Variants in ARMC9 observed in about 807,000 individuals in gnomAD.
ARMC9 encodes lisH domain-containing protein ARMC9.
In ARMC9, 94 loss-of-function variants were observed where a neutral mutation model predicts 107.0. The ratio of observed to expected loss-of-function variants is 0.88; its 90% CI spans 0.74 to 1.04. ARMC9 has a LOEUF of 1.04. ARMC9 is among the 50% of genes least tolerant of loss of function. The probability of loss-of-function intolerance (pLI) is 0.00; values close to 1 mark genes in which losing one functional copy is unlikely to be tolerated. For missense variants in ARMC9, 942 were observed against 1,030.1 expected (o/e 0.91, Z 1.17); for synonymous variants, 380 against 396.9 (o/e 0.96, Z 0.51).
intron 9 of ARMC9, among the ~76,000 whole-genome samples, chr2:231,248,430 C>G (rs141001696): frequency 6.6e-6 from 1 of 152,152 alleles, no homozygotes; most frequent in African/African-American, 2.4e-5. Context: ...GGCATCCGAT[C>G]ATATTACTAT....
intron 8 of ARMC9, among the ~76,000 whole-genome samples, chr2:231,237,777 ATATATTTTTTTTTTTTTTTTT>A (rs1301500170): frequency 1.1e-4 from 4 of 35,472 alleles, no homozygotes; most frequent in African/African-American, 3.6e-4. Context: ...ATATATATAT[ATATATTTTTTTTTTTTTTTTT>A]TTTTTTTTTT....
At chr2:231,259,848 T>C (rs781661986) in intron 11 of ARMC9, among the ~76,000 whole-genome samples, 1 of 151,856 alleles carries the variant, frequency 6.6e-6, no homozygotes, top group African/African-American at 2.4e-5. Context: ...CAAAAAAAAT[T>C]AGCCAGGCAT....
chr2:231,375,932 T>C lies in ARMC9; in HGVS notation c.*4397T>C, dbSNP rs565170665. ...GAAGCCATGACAGAAGAACGTGGAT[T>C]GTGATGATTTCATGGACATTTATTA... On this transcript the variant is annotated 3_prime_UTR_variant, in exon 25 of 25. Coordinates refer to ENST00000611582, the MANE Select transcript of ARMC9 (RefSeq NM_001352754.2). This position sits in a 1 kb window ranked among gnomAD's most constrained non-coding sequence, Gnocchi z 4.3. Among the ~76,000 whole-genome samples, 1 of 152,204 alleles carries C rather than the reference T, an allele frequency of 6.6e-6. No homozygotes were observed. Among genetic ancestry groups the C allele is most frequent in the Non-Finnish European group, 1.5e-5 (1 of 68,034 alleles).
intron 11 of ARMC9, among the ~76,000 whole-genome samples, chr2:231,261,612 C>T (rs983715053): frequency 5.9e-5 from 9 of 152,206 alleles, no homozygotes. Context: ...TCCCTATCCC[C>T]CACTGTGCTC....
chr2:231,375,006 A>G lies in ARMC9; in HGVS notation c.*3471A>G, dbSNP rs1449682230. Among the ~76,000 whole-genome samples, 1 of 152,190 alleles carries G rather than the reference A, an allele frequency of 6.6e-6. No homozygotes were observed. Among genetic ancestry groups the G allele is most frequent in the Non-Finnish European group, 1.5e-5 (1 of 68,034 alleles). On this transcript the variant is annotated 3_prime_UTR_variant, in exon 25 of 25. Transcript: ENST00000611582. This position sits in a 1 kb window ranked among gnomAD's most constrained non-coding sequence, Gnocchi z 4.3. ...GCCTAGCTTTATCTCTCCAGATACT[A>G]TTTGGGGTGTGCTGTTCTAAGAAGT...
At chr2:231,331,408 T>C (rs2043723958) in intron 19 of ARMC9, among the ~76,000 whole-genome samples, 1 of 152,082 alleles carries the variant, frequency 6.6e-6, no homozygotes, top group Non-Finnish European at 1.5e-5. Context: ...AGACCTGTTC[T>C]AGAGTTCCCT....
rs1411629994 is a variant in ARMC9, at chr2:231,217,793, C to T, written c.504+1000C>T. Among the ~76,000 whole-genome samples, 9 of 152,134 alleles carry T rather than the reference C, an allele frequency of 5.9e-5. 1 individual carries two copies. In the South Asian group the frequency reaches 8.3e-4, roughly 14 times the overall value. On this transcript the variant is annotated intron_variant, in intron 5 of 24. Transcript: ENST00000611582. ...GCAACCTCTGCCTCCTGGGTTGAAGCGATTCTCTTGCCTCAGCCTCCTGAG... is the reference window on the plus strand; with the variant it reads ...GCAACCTCTGCCTCCTGGGTTGAAGTGATTCTCTTGCCTCAGCCTCCTGAG...
intron 20 of ARMC9, among the ~76,000 whole-genome samples, chr2:231,338,535 CTTTTTTTTTTTTT>C (rs764466867): frequency 7.6e-5 from 8 of 104,802 alleles, no homozygotes; most frequent in African/African-American, 3.0e-4. Flanking sequence ...CCCCAATTCA[CTTTTTTTTTTTTT>C]TTTTTTTTTG....
chr2:231,216,860 T>C (rs1363763960), intron 5 of ARMC9, 67 bp downstream of exon 5: 1 of 1,507,712 alleles, frequency 6.6e-7, no homozygotes, highest in African/African-American at 1.4e-5. Context: ...TTCTGTATGC[T>C]GGGGGCTTCT....
intron 23 of ARMC9, among the ~76,000 whole-genome samples, chr2:231,368,013 C>A (rs2045882964): frequency 6.6e-6 from 1 of 151,066 alleles, no homozygotes; most frequent in Non-Finnish European, 1.5e-5. Context: ...AATAAGTTAA[C>A]TATTATAATA....
intron 3 of ARMC9, 89 bp from the exon 4 acceptor site, chr2:231,214,742 T>C: frequency 7.5e-7 from 1 of 1,330,360 alleles, no homozygotes; most frequent in Non-Finnish European, 1.1e-6. Flanking sequence ...AAAAGGAGTA[T>C]ATGGGAGATC....
At chr2:231,293,026 G>A (rs569170986) in intron 18 of ARMC9, among the ~76,000 whole-genome samples, 2 of 152,176 alleles carry the variant, frequency 1.3e-5, no homozygotes, top group South Asian at 2.1e-4. Flanking sequence ...AGAAACGAGG[G>A]TGTCCAAGGG....
At chr2:231,292,717 T>C (rs1349005529) in intron 18 of ARMC9, among the ~76,000 whole-genome samples, 1 of 152,220 alleles carries the variant, frequency 6.6e-6, no homozygotes, top group East Asian at 1.9e-4. Flanking sequence ...TGCCCTTCCC[T>C]GACACCCAGC....
In ARMC9 at chr2:231,240,029, G is replaced by A. The variant is rs768528669; in HGVS notation, c.867G>A (p.Thr289=). 3.0e-5 allele frequency: 49 copies of A among 1,613,248 alleles called. No individual in the cohort carries two copies. In the Admixed American group the frequency reaches 3.7e-4, roughly 12 times the overall value. The change falls in exon 9 of 25, where the codon ACG becomes ACA. Residue 289 remains threonine (T), a synonymous_variant. Transcript: ENST00000611582. ...GCCTGGCGCATAGTGTGGACTTCAC[G>A]AGGCCTGGGACGGTGAGGCTCTGCG... is the stretch of plus-strand genomic sequence containing the variant. The part of the protein sequence containing the change: ...RQSLAHSVDF[T]RPGTASTMLR...
At chr2:231,281,819 G>A (rs1159778841) in intron 16 of ARMC9, among the ~76,000 whole-genome samples, 2 of 152,202 alleles carry the variant, frequency 1.3e-5, no homozygotes, top group African/African-American at 2.4e-5. Context: ...GAAATGCGCA[G>A]GAGTAAGCTT....
At chr2:231,354,939 C>G (rs935528118) in intron 21 of ARMC9, among the ~76,000 whole-genome samples, 1 of 152,232 alleles carries the variant, frequency 6.6e-6, no homozygotes, top group African/African-American at 2.4e-5. Flanking sequence ...CAATGAAGCT[C>G]TCAGCACTTG....
At chr2:231,348,718 G>T (rs1219584839) in intron 21 of ARMC9, among the ~76,000 whole-genome samples, 1 of 152,152 alleles carries the variant, frequency 6.6e-6, no homozygotes, top group Non-Finnish European at 1.5e-5. Flanking sequence ...TTAAAAAGGA[G>T]CTCAAACAAC....
chr2:231,344,573 G>C (rs2044702776), intron 20 of ARMC9, among the ~76,000 whole-genome samples: 1 of 152,088 alleles, frequency 6.6e-6, no homozygotes, highest in African/African-American at 2.4e-5. Flanking sequence ...TTTGTTGTTT[G>C]CCTGTTGATT....
At chr2:231,327,096 C>T (rs1004489180) in intron 19 of ARMC9, among the ~76,000 whole-genome samples, 2 of 152,090 alleles carry the variant, frequency 1.3e-5, no homozygotes, top group Admixed American at 6.5e-5. Context: ...ATTTGTATTG[C>T]TCTTTGTAAT....
Sources: gnomAD v4.1 joint callset for allele counts (sites outside exome capture counted in the v4.1 genomes callset) on GRCh38, gnomAD v4.1.1 for gene constraint, Gnocchi (gnomAD v3.1) non-coding constraint, MANE v1.5 for transcripts, NCBI Gene and HGNC (gene_info 2026-07-23, HGNC 2026-07-21) for gene names.